Variants in ANKAR observed in about 807,000 individuals in gnomAD.
ANKAR encodes the protein ankyrin and armadillo repeat-containing protein.
Under a neutral mutation model 146.2 loss-of-function variants are expected in ANKAR, and 136 were observed. The observed-to-expected ratio is 0.93, with a 90% CI of 0.81 to 1.07. ANKAR has a LOEUF of 1.07. ANKAR is among the 50% of genes least tolerant of loss of function. The pLI is 0.00. For synonymous variants in ANKAR, 500 were observed against 575.8 expected (o/e 0.87, Z 1.88); for missense variants, 1,567 against 1,679.9 (o/e 0.93, Z 1.18).
chr2:189,747,861 T>G (rs1259244824), downstream of ANKAR, among the ~76,000 whole-genome samples: 1 of 152,154 alleles, frequency 6.6e-6, no homozygotes, highest in Admixed American at 6.5e-5. Context: ...AATTTTTGTA[T>G]TTTTAGTAGA....
chr2:189,710,309 C>T (rs2039516940), intron 9 of ANKAR, among the ~76,000 whole-genome samples: 1 of 152,016 alleles, frequency 6.6e-6, no homozygotes, highest in Non-Finnish European at 1.5e-5. Context: ...CTTTTTTATA[C>T]TCGGGAAATG....
At chr2:189,709,995 T>G (rs2039474366) in intron 9 of ANKAR, among the ~76,000 whole-genome samples, 2 of 152,232 alleles carry the variant, frequency 1.3e-5, no homozygotes, top group Admixed American at 1.3e-4. Context: ...AGTGAGCATC[T>G]GGCTACTGCT....
At chr2:189,704,345 A>G (rs565368842) in intron 7 of ANKAR, among the ~76,000 whole-genome samples, 134 of 150,708 alleles carry the variant, frequency 8.9e-4, no homozygotes, top group South Asian at 3.6e-3. Context: ...CAGTTTCACC[A>G]TGTTGGCCAG....
chr2:189,714,048 A>G (rs28833232), intron 10 of ANKAR, among the ~76,000 whole-genome samples: 2 of 152,250 alleles, frequency 1.3e-5, no homozygotes, highest in Admixed American at 6.5e-5. Flanking sequence ...GATCAATGCA[A>G]CAAGAAGAAC....
Position 189,745,092 on chromosome 2 carries a change from G to A in ANKAR, c.4057+304G>A, listed in dbSNP as rs571232823. 2.7e-5 allele frequency among the ~76,000 whole-genome samples: 4 copies of A among 149,680 alleles called. No individual in the cohort carries two copies. In the East Asian group the frequency reaches 7.8e-4, roughly 29 times the overall value. ...TGTAATCCCAGCTACTTGGGAGGCT[G>A]AGGCAGGAGAATCGCTTGAACCTGG... is the stretch of plus-strand genomic sequence containing the variant. On this transcript the variant is annotated intron_variant, in intron 22 of 22. Coordinates refer to ENST00000684021, the MANE Select transcript of ANKAR (RefSeq NM_001378068.1).
At chr2:189,683,963 A>G (rs1258684220) in intron 2 of ANKAR, among the ~76,000 whole-genome samples, 1 of 152,206 alleles carries the variant, frequency 6.6e-6, no homozygotes, top group Non-Finnish European at 1.5e-5. Flanking sequence ...AACAGTAGCA[A>G]TAGTAGAGAA....
At chr2:189,733,069 C>T in intron 16 of ANKAR, 38 bp from the exon 17 acceptor site, 3 of 1,575,340 alleles carry the variant, frequency 1.9e-6, no homozygotes, top group Non-Finnish European at 2.6e-6. Flanking sequence ...TTTCATAAAG[C>T]ATAATTGAAA....
intron 18 of ANKAR, among the ~76,000 whole-genome samples, chr2:189,755,878 G>A (rs2045996675): frequency 6.6e-6 from 1 of 152,134 alleles, no homozygotes; most frequent in South Asian, 2.1e-4. Context: ...GGAAAAAATT[G>A]TATTTAAGGA....
chr2:189,741,148 T>G (rs1486843484), intron 19 of ANKAR, among the ~76,000 whole-genome samples, 194 bp from the exon 20 acceptor site: 1 of 152,232 alleles, frequency 6.6e-6, no homozygotes, highest in Non-Finnish European at 1.5e-5. Context: ...TTTACACTAT[T>G]TGTGACAGAA....
In ANKAR at chr2:189,725,946, A is replaced by G. The variant is rs962955105; in HGVS notation, c.2636-1910A>G. ...AAAGAAAAGAAAAGTAAAGGGTTGAATAAAATAGGAGCCTGTGCCCTCATC... is the reference window on the plus strand; with the variant it reads ...AAAGAAAAGAAAAGTAAAGGGTTGAGTAAAATAGGAGCCTGTGCCCTCATC... On this transcript the variant is annotated intron_variant, in intron 12 of 22. Transcript: ENST00000684021. Among the ~76,000 whole-genome samples, 32 of 152,266 alleles carry G rather than the reference A, an allele frequency of 2.1e-4. 1 individual carries two copies. The East Asian group carries it at 5.8e-3, about 28-fold the overall frequency.
intron 3 of ANKAR, 44 bp from the exon 4 acceptor site, chr2:189,692,211 G>A: frequency 4.0e-6 from 6 of 1,506,734 alleles, no homozygotes; most frequent in East Asian, 2.3e-5. Flanking sequence ...ATGACTTTAT[G>A]TGCTGTTCAC....
rs554099777 is a variant in ANKAR at position 189,678,874 on chromosome 2, G to C, written c.601+1783G>C. 3.3e-5 allele frequency among the ~76,000 whole-genome samples: 5 copies of C among 152,200 alleles called. No homozygotes were observed. The South Asian group carries it at 1.0e-3, about 32-fold the overall frequency. On this transcript the variant is annotated intron_variant, in intron 2 of 22. Coordinates refer to ENST00000684021, the MANE Select transcript of ANKAR (RefSeq NM_001378068.1). ...CAGATAATGTGATGCCTCCAGATTT[G>C]TTCTTTTTGCTTAGTCTTGCTTTAG...
At position 189,729,067 on chromosome 2, in the gene ANKAR, T is replaced by C. The variant is rs542331552; in HGVS notation, c.3193+246T>C. ...TGGCTAGAAAGGAAAATTAAGACAATAAGCCTTGACTATTTTGACTGAAAG... is the reference window on the plus strand; with the variant it reads ...TGGCTAGAAAGGAAAATTAAGACAACAAGCCTTGACTATTTTGACTGAAAG... On this transcript the variant is annotated intron_variant, in intron 15 of 22. Transcript: ENST00000684021. Among the ~76,000 whole-genome samples, 8 of 152,290 alleles carry C rather than the reference T, an allele frequency of 5.3e-5. 1 individual carries two copies. In the East Asian group the frequency reaches 1.5e-3, roughly 29 times the overall value.
chr2:189,758,854 A>C (rs939931956), intron 18 of ANKAR, among the ~76,000 whole-genome samples: 2 of 152,276 alleles, frequency 1.3e-5, no homozygotes, highest in Non-Finnish European at 1.5e-5. Context: ...ATGATGATAC[A>C]GAATAAATAG....
chr2:189,727,144 A>G (rs1055338632), intron 12 of ANKAR, among the ~76,000 whole-genome samples: 1 of 152,182 alleles, frequency 6.6e-6, no homozygotes, highest in African/African-American at 2.4e-5. Context: ...TAAGTGGTTA[A>G]AAGAATATAG....
At chr2:189,687,451 G>A (rs1014622527) in intron 2 of ANKAR, among the ~76,000 whole-genome samples, 5 of 152,092 alleles carry the variant, frequency 3.3e-5, no homozygotes, top group African/African-American at 1.2e-4. Context: ...TTGATATTCC[G>A]ATTTCCTTTC....
Position 189,706,983 on chromosome 2 carries a change from G to A in ANKAR, c.1956G>A (p.Leu652=). Reference sequence around the variant, plus strand: ...TACTTGCTGCCACTTCAGGAGCACTGGACACTATTCAATACCTGTTTTCTA... The same window carrying A: ...TACTTGCTGCCACTTCAGGAGCACTAGACACTATTCAATACCTGTTTTCTA... The part of the protein sequence containing the change: ...PLLLAATSGA[L]DTIQYLFSIG... Residue 652 remains leucine, a synonymous_variant, in exon 9 of 23, where the codon CTG becomes CTA. Transcript: ENST00000684021. 6.2e-7 allele frequency: 1 copy of A among 1,613,076 alleles called. No individual in the cohort carries two copies. Among genetic ancestry groups the A allele is most frequent in the East Asian group, 2.2e-5 (1 of 44,830 alleles).
At chr2:189,695,344 C>G (rs1292433419) in intron 6 of ANKAR, among the ~76,000 whole-genome samples, 183 bp downstream of exon 6, 1 of 152,166 alleles carries the variant, frequency 6.6e-6, no homozygotes, top group African/African-American at 2.4e-5. Flanking sequence ...TGGCAGAGTA[C>G]CTGTTAATGC....
intron 2 of ANKAR, among the ~76,000 whole-genome samples, chr2:189,680,455 T>A (rs903743373): frequency 1.3e-5 from 2 of 152,070 alleles, no homozygotes; most frequent in Non-Finnish European, 2.9e-5. Flanking sequence ...GCTCTAATCT[T>A]TGTTATTTCT....
Sources: allele counts gnomAD v4.1 joint callset (sites outside exome capture counted in the v4.1 genomes callset), GRCh38; gene constraint gnomAD v4.1.1; transcripts MANE v1.5; gene names NCBI Gene and HGNC (gene_info 2026-07-23, HGNC 2026-07-21).